The following ALDH1L2 variants were observed in gnomAD, a reference collection of about 807,000 sequenced individuals.
The protein encoded by ALDH1L2 is mitochondrial 10-formyltetrahydrofolate dehydrogenase.
In ALDH1L2, 91 loss-of-function variants were observed where a neutral mutation model predicts 111.0. That is an observed-to-expected ratio of 0.82 (90% CI 0.69 to 0.98). The LOEUF is 0.98. Ranked by LOEUF, ALDH1L2 falls within the 50% of genes least tolerant of loss-of-function variation. ALDH1L2 has a pLI of 0.00. For synonymous variants in ALDH1L2, 374 were observed against 392.6 expected, an observed-to-expected ratio of 0.95 and a Z score of 0.56; for missense variants, 995 against 1,126.8, an observed-to-expected ratio of 0.88 and a Z score of 1.67.
intron 12 of ALDH1L2, chr12:105,050,525 G>A (rs1406313819): frequency 1.3e-5 from 4 of 314,866 alleles, no homozygotes; most frequent in South Asian, 7.9e-5. Context: ...GGTAAGTGCA[G>A]GACTGTATAA....
At chr12:105,077,746 A>G (rs1878139084) in intron 1 of ALDH1L2, among the ~76,000 whole-genome samples, 1 of 151,618 alleles carries the variant, frequency 6.6e-6, no homozygotes, top group Non-Finnish European at 1.5e-5. Flanking sequence ...AATTAAAAAA[A>G]AAAAAAAAAA....
intron 12 of ALDH1L2, among the ~76,000 whole-genome samples, chr12:105,050,889 C>A (rs1452676954): frequency 6.6e-6 from 1 of 152,148 alleles, no homozygotes; most frequent in Non-Finnish European, 1.5e-5. Context: ...CCTCCCATGA[C>A]ACATGGGAAT....
rs189008747 is a variant in ALDH1L2, at chr12:105,036,340, G to A, written c.2145+1763C>T. 4.0e-4 allele frequency among the ~76,000 whole-genome samples: 25 copies of A among 63,194 alleles called. 2 individuals carry two copies. Among genetic ancestry groups the A allele is most frequent in the Non-Finnish European group, 5.8e-4 (23 of 39,592 alleles). The allele number at this position is 63,194 out of a possible 152,430, so 41.5% of individuals were successfully genotyped here. A position where few individuals can be genotyped will look rare whatever the true frequency, so the allele number is the denominator to read the frequency against. Reference sequence around the variant, plus strand: ...ATATGTGTATATATATTATATATACGTATATTTATATATGTGTATATATAT... The same window carrying A: ...ATATGTGTATATATATTATATATACATATATTTATATATGTGTATATATAT... On this transcript the variant is annotated intron_variant, in intron 18 of 22. Transcript: ENST00000258494.
At chr12:105,034,983 C>CATTAAATAAATAA (rs1555224168) in intron 18 of ALDH1L2, among the ~76,000 whole-genome samples, 1 of 139,880 alleles carries the variant, frequency 7.1e-6, no homozygotes, top group African/African-American at 3.0e-5. Flanking sequence ...GATTCCATCT[C>CATTAAATAAATAA]ATAAATAAAT....
At chr12:105,065,189 G>A in intron 6 of ALDH1L2, 78 bp downstream of exon 6, 1 of 955,246 alleles carries the variant, frequency 1.0e-6, no homozygotes, top group Non-Finnish European at 1.6e-6. Context: ...ACCATGGGAA[G>A]CCCAGATTTA....
chr12:105,073,950 T>C lies in ALDH1L2; in HGVS notation c.104A>G (p.Gln35Arg), dbSNP rs1219337166. ...LALIGQSLFG[Q>R]EVYSHLRKEG... ...TTTGCGGAGGTGGCTATAGACTTCT[T>C]GTCCAAAGAGGCTCTGGCCAATTAG... Residue 35 changes from glutamine (Q) to arginine (R), a missense_variant, in exon 2 of 23, where the codon CAA becomes CGA. By Grantham distance (43) the Gln-to-Arg change is conservative. Coordinates refer to ENST00000258494, the MANE Select transcript of ALDH1L2 (RefSeq NM_001034173.4). 1 of 1,614,188 alleles carries C rather than the reference T, an allele frequency of 6.2e-7. No homozygotes were observed. The highest frequency in any genetic ancestry group is 8.5e-7 in the Non-Finnish European group (1 of 1,180,026).
At position 105,067,080 on chromosome 12, in the gene ALDH1L2, G is replaced by A. The variant is rs954039578; in HGVS notation, c.595-411C>T. On this transcript the variant is annotated intron_variant, in intron 4 of 22. Coordinates refer to ENST00000258494, the MANE Select transcript of ALDH1L2 (RefSeq NM_001034173.4). ...AAATACAAAAAATCAGCCGGGCGTG[G>A]TGGTGGGCGCCTGTAGTCCCAGCTA... is the stretch of plus-strand genomic sequence containing the variant. 2.4e-3 allele frequency among the ~76,000 whole-genome samples: 365 copies of A among 152,140 alleles called. 5 individuals are homozygous for A. The highest frequency in any genetic ancestry group is 1.2e-3 in the Non-Finnish European group (79 of 67,990).
chr12:105,070,022 C>CA (rs1048858850), intron 3 of ALDH1L2, among the ~76,000 whole-genome samples: 12 of 150,796 alleles, frequency 8.0e-5, no homozygotes, highest in African/African-American at 2.4e-4. Context: ...ATGCTCTATG[C>CA]AAAAAAAAAG....
In ALDH1L2 at chr12:105,068,741, A is replaced by G. The variant is rs754000959; in HGVS notation, c.572T>C (p.Phe191Ser). ...AACCATGGCCTTGATTCCTTCAGGA[A>G]AAAGAAACCGATTATAAAGTGCATC... ...TVDALYNRFL[F>S]PEGIKAMVEA... The change falls in exon 4 of 23, where the codon TTT becomes TCT. Residue 191 changes from phenylalanine (F) to serine (S), a missense_variant. By Grantham distance (155) the Phe-to-Ser change is radical. Transcript: ENST00000258494. 20 of 1,554,378 alleles carry G rather than the reference A, an allele frequency of 1.3e-5. No individual in the cohort carries two copies. Among genetic ancestry groups the G allele is most frequent in the Non-Finnish European group, 1.6e-5 (19 of 1,151,798 alleles).
intron 18 of ALDH1L2, 46 bp from the exon 19 acceptor site, chr12:105,034,444 C>CA: frequency 6.5e-7 from 1 of 1,535,300 alleles, no homozygotes; most frequent in Non-Finnish European, 9.0e-7. Context: ...TTTGAGAAGT[C>CA]AAGATTCTCA....
At chr12:105,046,306 G>T (rs1232990026) in intron 15 of ALDH1L2, among the ~76,000 whole-genome samples, 12 of 136,284 alleles carry the variant, frequency 8.8e-5, no homozygotes, top group African/African-American at 3.1e-4. Context: ...GCACGATCTC[G>T]GCTCATTGCA....
chr12:105,067,230 A>G (rs67332295), intron 4 of ALDH1L2, among the ~76,000 whole-genome samples: 1 of 141,112 alleles, frequency 7.1e-6, no homozygotes. Flanking sequence ...AAAAAAAAAA[A>G]AAAAAGAAAA....
intron 18 of ALDH1L2, among the ~76,000 whole-genome samples, chr12:105,034,723 C>T (rs1006263872): frequency 7.9e-5 from 12 of 152,070 alleles, no homozygotes; most frequent in Non-Finnish European, 1.3e-4. Context: ...TGGTGGCTCA[C>T]GCTTGTAATC....
At chr12:105,077,110 G>T (rs1018947067) in intron 1 of ALDH1L2, among the ~76,000 whole-genome samples, 3 of 152,186 alleles carry the variant, frequency 2.0e-5, no homozygotes, top group Non-Finnish European at 2.9e-5. Flanking sequence ...CCATCAGCCT[G>T]TTTAAGGAAA....
chr12:105,024,193 A>G lies in ALDH1L2; in HGVS notation c.*231T>C, dbSNP rs1874297168. On this transcript the variant is annotated 3_prime_UTR_variant, in exon 23 of 23. Coordinates refer to ENST00000258494, the MANE Select transcript of ALDH1L2 (RefSeq NM_001034173.4). Reference sequence around the variant, plus strand: ...ACAGCTTGGTATTTTAGAAATACGTATGATATACAACATAGTCAAAATGCA... The same window carrying G: ...ACAGCTTGGTATTTTAGAAATACGTGTGATATACAACATAGTCAAAATGCA... 1.7e-6 allele frequency: 1 copy of G among 578,658 alleles called. No individual in the cohort carries two copies. Among genetic ancestry groups the G allele is most frequent in the Admixed American group, 3.1e-5 (1 of 32,262 alleles). The allele number at this position is 578,658 out of a possible 1,614,324, so 35.8% of individuals were successfully genotyped here.
chr12:105,023,663 G>A lies in ALDH1L2; in HGVS notation c.*761C>T, dbSNP rs1448305015. The A allele has an allele frequency of 6.6e-6, 1 of 152,172 alleles. No homozygotes were observed. Among genetic ancestry groups the A allele is most frequent in the Admixed American group, 6.6e-5 (1 of 15,262 alleles). 9.4% of individuals were successfully genotyped at this position (152,172 alleles called of 1,614,324 possible). A position where few individuals can be genotyped will look rare whatever the true frequency, so the allele number is the denominator to read the frequency against. On this transcript the variant is annotated 3_prime_UTR_variant, in exon 23 of 23. Transcript: ENST00000258494. Reference sequence around the variant, plus strand: ...CACATAGGGAAGCAGAGGCTCAGAGGAGTTGCGAGAGTTTCCCAAAGTTAC... The same window carrying A: ...CACATAGGGAAGCAGAGGCTCAGAGAAGTTGCGAGAGTTTCCCAAAGTTAC...
At chr12:105,051,790 C>T (rs865932564) in intron 12 of ALDH1L2, among the ~76,000 whole-genome samples, 20 of 134,812 alleles carry the variant, frequency 1.5e-4, no homozygotes, top group South Asian at 2.3e-4. Context: ...TCTTTTTTTT[C>T]CTTTTTTTTT....
chr12:105,063,130 G>T, intron 6 of ALDH1L2, 108 bp from the exon 7 acceptor site: 2 of 1,255,520 alleles, frequency 1.6e-6, no homozygotes, highest in Non-Finnish European at 2.1e-6. Context: ...ATTATCATCT[G>T]TAATAAAATT....
Position 105,060,166 on chromosome 12 carries a change from T to TG in ALDH1L2, c.1139+814dup, listed in dbSNP as rs760840470. Among the ~76,000 whole-genome samples, 117 of 149,252 alleles carry TG rather than the reference T, an allele frequency of 7.8e-4. 1 individual carries two copies. The East Asian group carries it at 0.014, about 18-fold the overall frequency. On this transcript the variant is annotated intron_variant, in intron 9 of 22. Coordinates refer to ENST00000258494, the MANE Select transcript of ALDH1L2 (RefSeq NM_001034173.4). ...TAGATCTGTCTTACTAGGTAATTTA[T>TG]GGGGGGGGCGAGGGTAGGAGAAAAA...
Sources: allele counts gnomAD v4.1 joint callset (sites outside exome capture counted in the v4.1 genomes callset), GRCh38; gene constraint gnomAD v4.1.1; transcripts MANE v1.5; gene names NCBI Gene and HGNC (gene_info 2026-07-23, HGNC 2026-07-21).